The following CDH12 variants were observed in gnomAD, a reference collection of about 807,000 sequenced individuals.
CDH12 encodes the protein cadherin-12.
In CDH12, 41 loss-of-function variants were observed where a neutral mutation model predicts 74.1. The observed-to-expected ratio is 0.55, with a 90% CI of 0.43 to 0.72. The LOEUF is 0.72. Ranked by LOEUF, CDH12 falls within the 30% of genes least tolerant of loss-of-function variation. The pLI, the probability that CDH12 is intolerant of heterozygous loss-of-function variation, is 0.00. For missense variants in CDH12, 945 were observed against 977.2 expected, an observed-to-expected ratio of 0.97 and a Z score of 0.44; for synonymous variants, 399 against 355.0, an observed-to-expected ratio of 1.12 and a Z score of -1.39.
intron 2 of CDH12, among the ~76,000 whole-genome samples, chr5:22,463,059 T>G (rs2126589264): frequency 6.6e-6 from 1 of 152,178 alleles, no homozygotes; most frequent in South Asian, 2.1e-4. Flanking sequence ...TACAAAAAAG[T>G]TAAAGTGCTA....
intron 5 of CDH12, among the ~76,000 whole-genome samples, chr5:22,019,535 C>T (rs942556749): frequency 1.2e-4 from 18 of 152,090 alleles, no homozygotes; most frequent in Admixed American, 7.9e-4. Flanking sequence ...ATACTGTCCT[C>T]GTAAGGAGAG....
intron 7 of CDH12, among the ~76,000 whole-genome samples, chr5:21,853,584 C>G (rs189082815): frequency 8.4e-4 from 127 of 151,722 alleles, no homozygotes; most frequent in African/African-American, 2.9e-3. Flanking sequence ...TAAGAAACAT[C>G]AGTAGACCTT....
In CDH12 at chr5:22,456,107, TTATATA is replaced by T. The variant is rs36020133; in HGVS notation, c.-428+49157_-428+49162del. ...ATTATTCATTTCTGCCATGTGGATA[TTATATA>T]TATATATATATATATATATATAAAA... On this transcript the variant is annotated intron_variant, in intron 2 of 14. Transcript: ENST00000382254. 9.6e-3 allele frequency among the ~76,000 whole-genome samples: 1,421 copies of T among 147,766 alleles called. 28 individuals are homozygous for T. Among genetic ancestry groups the T allele is most frequent in the African/African-American group, 0.032 (1,271 of 39,916 alleles).
chr5:22,407,131 A>G (rs2126462810), intron 2 of CDH12, among the ~76,000 whole-genome samples: 1 of 152,186 alleles, frequency 6.6e-6, no homozygotes, highest in African/African-American at 2.4e-5. Flanking sequence ...CAATGTACAC[A>G]TTATATCCAG....
At chr5:22,369,999 T>C (rs1369905850) in intron 3 of CDH12, among the ~76,000 whole-genome samples, 1 of 152,086 alleles carries the variant, frequency 6.6e-6, no homozygotes, top group African/African-American at 2.4e-5. Context: ...ACATGTTTTA[T>C]GTACTTAAAA....
intron 3 of CDH12, among the ~76,000 whole-genome samples, chr5:22,219,226 C>G (rs1213044874): frequency 4.6e-5 from 7 of 151,716 alleles, no homozygotes; most frequent in Non-Finnish European, 8.9e-5. Flanking sequence ...TTCTCAACCT[C>G]TAAATGCATT....
chr5:22,315,853 C>T (rs989568968), intron 3 of CDH12, among the ~76,000 whole-genome samples: 61 of 151,832 alleles, frequency 4.0e-4, no homozygotes, highest in Non-Finnish European at 7.8e-4. Flanking sequence ...AGACACCTTT[C>T]GCAAACTCTG....
At chr5:22,491,305 T>C (rs1346777760) in intron 2 of CDH12, among the ~76,000 whole-genome samples, 3 of 152,222 alleles carry the variant, frequency 2.0e-5, no homozygotes, top group Non-Finnish European at 4.4e-5. Context: ...GTTGTATTCA[T>C]GTTGCTGCAA....
At chr5:22,204,463 A>T (rs1394111853) in intron 4 of CDH12, among the ~76,000 whole-genome samples, 2 of 152,152 alleles carry the variant, frequency 1.3e-5, no homozygotes. Flanking sequence ...GCCCAGCCCA[A>T]TTCACATGTA....
At chr5:21,905,711 C>A (rs1192183702) in intron 6 of CDH12, among the ~76,000 whole-genome samples, 3 of 151,170 alleles carry the variant, frequency 2.0e-5, no homozygotes, top group Non-Finnish European at 4.4e-5. Flanking sequence ...AGTTTTGAGT[C>A]AATTACCATC....
intron 1 of CDH12, among the ~76,000 whole-genome samples, chr5:22,738,050 C>T (rs1310013327): frequency 6.6e-6 from 1 of 151,790 alleles, no homozygotes; most frequent in Admixed American, 6.6e-5. Flanking sequence ...GGACATGGTA[C>T]ATTGGGTGAG....
intron 6 of CDH12, among the ~76,000 whole-genome samples, chr5:21,928,559 A>T (rs2150078601): frequency 6.6e-6 from 1 of 152,354 alleles, no homozygotes; most frequent in Non-Finnish European, 1.5e-5. Context: ...CGATGGAAAC[A>T]GAAAATATGC....
At chr5:21,877,643 G>A (rs1033516310) in intron 6 of CDH12, among the ~76,000 whole-genome samples, 3 of 152,156 alleles carry the variant, frequency 2.0e-5, no homozygotes, top group African/African-American at 7.2e-5. Context: ...CAATAGTTAT[G>A]GCAGTGATGA....
intron 9 of CDH12, among the ~76,000 whole-genome samples, chr5:21,813,180 C>T (rs1747846181): frequency 6.6e-6 from 1 of 152,070 alleles, no homozygotes; most frequent in East Asian, 1.9e-4. Context: ...TCACTTGGGT[C>T]TACAAGGGTA....
intron 2 of CDH12, among the ~76,000 whole-genome samples, chr5:22,426,111 T>C (rs929003745): frequency 3.3e-5 from 5 of 149,956 alleles, no homozygotes; most frequent in African/African-American, 4.9e-5. Flanking sequence ...TGCTTGAACC[T>C]GGGAGGCAGA....
chr5:21,814,867 AG>A (rs1225145964), intron 9 of CDH12, among the ~76,000 whole-genome samples: 2 of 151,632 alleles, frequency 1.3e-5, no homozygotes. Flanking sequence ...AGACCTTCTT[AG>A]GGAAAAAATT....
intron 4 of CDH12, among the ~76,000 whole-genome samples, chr5:22,098,386 G>A (rs1307165441): frequency 1.3e-5 from 2 of 152,134 alleles, no homozygotes; most frequent in African/African-American, 2.4e-5. Flanking sequence ...CATGGTTAGT[G>A]TGGTCAGAAT....
At chr5:22,224,357 A>G (rs1303653311) in intron 3 of CDH12, among the ~76,000 whole-genome samples, 2 of 152,070 alleles carry the variant, frequency 1.3e-5, no homozygotes, top group Non-Finnish European at 2.9e-5. Flanking sequence ...AAATTATGAT[A>G]TGAACAAACA....
intron 2 of CDH12, among the ~76,000 whole-genome samples, chr5:22,465,993 G>A (rs1474137118): frequency 1.3e-5 from 2 of 152,152 alleles, no homozygotes; most frequent in Admixed American, 6.5e-5. Flanking sequence ...CATAAGATTA[G>A]GGTTCCTTCC....
Sources: allele counts gnomAD v4.1 joint callset (sites outside exome capture counted in the v4.1 genomes callset), GRCh38; gene constraint gnomAD v4.1.1; transcripts MANE v1.5; gene names NCBI Gene and HGNC (gene_info 2026-07-23, HGNC 2026-07-21).